Variants in ZNF383 observed in about 807,000 individuals in gnomAD.
The protein encoded by ZNF383 is zinc finger protein 383.
ZNF383 carries 32 observed loss-of-function variants against 44.2 expected under a neutral mutation model. The observed-to-expected ratio is 0.72, with a 90% CI of 0.55 to 0.97. ZNF383 has a LOEUF of 0.97. ZNF383 is among the 50% of genes least tolerant of loss of function. The probability of loss-of-function intolerance (pLI) is 0.00; values close to 1 mark genes in which losing one functional copy is unlikely to be tolerated. For synonymous variants in ZNF383, 155 were observed against 186.2 expected, an observed-to-expected ratio of 0.83 and a Z score of 1.36; for missense variants, 487 against 562.5, an observed-to-expected ratio of 0.87 and a Z score of 1.36.
intron 2 of ZNF383, among the ~76,000 whole-genome samples, chr19:37,226,009 C>T: frequency 6.6e-6 from 1 of 151,168 alleles, no homozygotes; most frequent in East Asian, 1.9e-4. Flanking sequence ...CCATGTTGCC[C>T]AGGATGGTCT....
intron 5 of ZNF383, among the ~76,000 whole-genome samples, chr19:37,236,677 C>G (rs1433186256): frequency 6.6e-6 from 1 of 151,498 alleles, no homozygotes; most frequent in Non-Finnish European, 1.5e-5. Flanking sequence ...TCAGGCGATT[C>G]TTCTGCCTCA....
At chr19:37,227,691 TGTG>T (rs1405425582) in intron 2 of ZNF383, 9 of 152,430 alleles carry the variant, frequency 5.9e-5, no homozygotes, top group African/African-American at 1.9e-4. Flanking sequence ...TGTTATTTAT[TGTG>T]TATAAGGCAA....
chr19:37,225,935 G>A (rs528804830), intron 2 of ZNF383, among the ~76,000 whole-genome samples: 55 of 150,550 alleles, frequency 3.7e-4, no homozygotes, highest in Non-Finnish European at 5.6e-4. Flanking sequence ...GACTACAGGC[G>A]CGCACCACCA....
At position 37,235,692 on chromosome 19, in the gene ZNF383, C is replaced by T. The variant is rs1010962975; in HGVS notation, c.136+17C>T. The T allele has an allele frequency of 1.9e-6, 3 of 1,572,704 alleles. No homozygotes were observed. Among genetic ancestry groups the T allele is most frequent in the Non-Finnish European group, 1.7e-6 (2 of 1,160,476 alleles). Reference sequence around the variant, plus strand: ...TTTCAATGGGTAAGGGCATCTGTACCAGTGATTCCCAGTTCTCCTCTGGAA... The same window carrying T: ...TTTCAATGGGTAAGGGCATCTGTACTAGTGATTCCCAGTTCTCCTCTGGAA... On this transcript the variant is annotated intron_variant, in intron 4 of 5. Transcript: ENST00000684119.
At position 37,236,092 on chromosome 19, in the gene ZNF383, G is replaced by T. The variant is rs145163252; in HGVS notation, c.232+18G>T. On this transcript the variant is annotated intron_variant, in intron 5 of 5. Coordinates refer to ENST00000684119, the MANE Select transcript of ZNF383 (RefSeq NM_001387601.1). ...GTGTTCAGGTAAGTGAGAAATGACC[G>T]GACAGGAGAAAGTCACGATAGGTCA... 6.2e-7 allele frequency: 1 copy of T among 1,601,522 alleles called. No homozygotes were observed. The highest frequency in any genetic ancestry group is 1.7e-5 in the Admixed American group (1 of 58,986).
chr19:37,239,727 C>T (rs1283395778), intron 5 of ZNF383, among the ~76,000 whole-genome samples: 1 of 151,980 alleles, frequency 6.6e-6, no homozygotes, highest in African/African-American at 2.4e-5. Flanking sequence ...GGTGAGAGAG[C>T]TTGGTGGGGA....
At chr19:37,221,019 A>G (rs1307155508) in intron 1 of ZNF383, among the ~76,000 whole-genome samples, 1 of 152,160 alleles carries the variant, frequency 6.6e-6, no homozygotes, top group Non-Finnish European at 1.5e-5. Context: ...GGCTGCTGTG[A>G]AAATGTTTTT....
At chr19:37,228,453 CTA>C (rs1358188385) in intron 2 of ZNF383, among the ~76,000 whole-genome samples, 2 of 151,098 alleles carry the variant, frequency 1.3e-5, no homozygotes, top group East Asian at 1.9e-4. Context: ...TTTAGTATAA[CTA>C]TTTTTATTCT....
intron 3 of ZNF383, among the ~76,000 whole-genome samples, chr19:37,232,162 G>A (rs1374791120): frequency 2.0e-5 from 3 of 150,428 alleles, no homozygotes; most frequent in Non-Finnish European, 4.4e-5. Context: ...TGCAACCTCC[G>A]CCTCCCAGGT....
In ZNF383 at chr19:37,243,155, G is replaced by A. The variant is rs892588087; in HGVS notation, c.919G>A (p.Glu307Lys). 3 of 1,614,014 alleles carry A rather than the reference G, an allele frequency of 1.9e-6. No individual in the cohort carries two copies. Among genetic ancestry groups the A allele is most frequent in the African/African-American group, 2.7e-5 (2 of 74,920 alleles). Residue 307 changes from glutamate (E) to lysine (K), a missense_variant, in exon 6 of 6, where the codon GAG becomes AAG. Coordinates refer to ENST00000684119, the MANE Select transcript of ZNF383 (RefSeq NM_001387601.1). ...TCAGCATGCACGAATTCATACAGGT[G>A]AGAAACCCTATGAATGTAAGGAATG... Reference protein sequence around the residue: ...LFQHARIHTGEKPYECKECGK... With the variant: ...LFQHARIHTGKKPYECKECGK...
chr19:37,230,374 C>G, intron 2 of ZNF383, 35 bp from the exon 3 acceptor site: 1 of 1,484,832 alleles, frequency 6.7e-7, no homozygotes, highest in Non-Finnish European at 9.4e-7. Flanking sequence ...TTTACTTCCC[C>G]AGTCATGCAA....
At chr19:37,224,510 C>CT (rs35006794) in intron 1 of ZNF383, among the ~76,000 whole-genome samples, 1 of 151,954 alleles carries the variant, frequency 6.6e-6, no homozygotes, top group East Asian at 1.9e-4. Context: ...TACTGGGTCC[C>CT]TTTTTATACT....
In ZNF383 at chr19:37,230,373, C is replaced by T. The variant is rs1973424219; in HGVS notation, c.-45-36C>T. 1.8e-5 allele frequency: 27 copies of T among 1,479,798 alleles called. No individual in the cohort carries two copies. In the East Asian group the frequency reaches 6.1e-4, roughly 34 times the overall value. The allele number at this position is 1,479,798 out of a possible 1,614,324, so 91.7% of individuals were successfully genotyped here. A position where few individuals can be genotyped will look rare whatever the true frequency, so the allele number is the denominator to read the frequency against. On this transcript the variant is annotated intron_variant, in intron 2 of 5. Transcript: ENST00000684119. The stretch of plus-strand genomic sequence containing the variant: ...GTGATTTCTAGAGGGTTTTACTTCC[C>T]CAGTCATGCAACCTCAGAACACTGT...
At chr19:37,238,347 CTAAT>C (rs1402735000) in intron 5 of ZNF383, among the ~76,000 whole-genome samples, 2 of 149,902 alleles carry the variant, frequency 1.3e-5, no homozygotes, top group Non-Finnish European at 3.0e-5. Context: ...CTACATGTAA[CTAAT>C]ATATTGGTAT....
chr19:37,227,963 G>A (rs1201626079), intron 2 of ZNF383, among the ~76,000 whole-genome samples: 2 of 152,224 alleles, frequency 1.3e-5, no homozygotes, highest in African/African-American at 4.8e-5. Context: ...CGGACCAGGA[G>A]CGTGACCGCT....
In ZNF383 at chr19:37,243,577, A is replaced by C. The variant is rs1222455314; in HGVS notation, c.1341A>C (p.Glu447Asp). The stretch of plus-strand genomic sequence containing the variant: ...GACATCTGAGAATTCACACTGGTGA[A>C]AAGCCCTATAACTGTAAGGAATGTG... ...LTRHLRIHTG[E>D]KPYNCKECGK... is the part of the protein sequence containing the mutation. Residue 447 changes from glutamate (E) to aspartate (D), a missense_variant, in exon 6 of 6, where the codon GAA becomes GAC. Transcript: ENST00000684119. 6.8e-6 allele frequency: 11 copies of C among 1,613,218 alleles called. No individual in the cohort carries two copies. The East Asian group carries it at 8.9e-5, about 13-fold the overall frequency.
In ZNF383 at chr19:37,243,640, T is replaced by C. The variant is rs568013070; in HGVS notation, c.1404T>C (p.His468=). Residue 468 remains histidine (H), a synonymous_variant, in exon 6 of 6, where the codon CAT becomes CAC. Coordinates refer to ENST00000684119, the MANE Select transcript of ZNF383 (RefSeq NM_001387601.1). ...GTAGTGGCTCGGATCTCATTCGTCA[T>C]CAGGGAATTCATACTAATAAATAAT... ...AFSSGSDLIR[H]QGIHTNK is the part of the protein sequence containing the mutation. The C allele has an allele frequency of 1.9e-6, 3 of 1,553,646 alleles. No individual in the cohort carries two copies. The African/African-American group carries it at 4.1e-5, about 21-fold the overall frequency.
intron 1 of ZNF383, among the ~76,000 whole-genome samples, chr19:37,221,076 T>C (rs1215822095): frequency 6.6e-6 from 1 of 152,206 alleles, no homozygotes; most frequent in African/African-American, 2.4e-5. Context: ...TATAAGTGTA[T>C]GAAGGAATTG....
chr19:37,220,136 T>C (rs922846023), intron 1 of ZNF383, among the ~76,000 whole-genome samples: 1 of 152,260 alleles, frequency 6.6e-6, no homozygotes, highest in African/African-American at 2.4e-5. Flanking sequence ...ACATATACAT[T>C]GTTTTCAAGA....
Sources: gnomAD v4.1 joint callset for allele counts (sites outside exome capture counted in the v4.1 genomes callset) on GRCh38, gnomAD v4.1.1 for gene constraint, MANE v1.5 for transcripts, NCBI Gene and HGNC (gene_info 2026-07-23, HGNC 2026-07-21) for gene names.